Variants in CSPG4 observed in about 807,000 individuals in gnomAD.
CSPG4 encodes the protein chondroitin sulfate proteoglycan 4.
CSPG4 carries 74 observed loss-of-function variants against 139.3 expected under a neutral mutation model. The observed-to-expected ratio is 0.53, with a 90% CI of 0.44 to 0.64. The LOEUF (loss-of-function observed/expected upper bound fraction) is 0.64. Among genes scored for constraint, CSPG4 ranks in the 30% least tolerant of loss-of-function variants. The pLI is 0.00. For synonymous variants in CSPG4, 1,234 were observed against 1,394.2 expected (o/e 0.89, Z 2.56); for missense variants, 2,565 against 3,148.3 (o/e 0.81, Z 4.43).
chr15:75,711,143 A>G (rs1894442080), intron 1 of CSPG4, among the ~76,000 whole-genome samples: 1 of 150,344 alleles, frequency 6.7e-6, no homozygotes, highest in African/African-American at 2.4e-5. Context: ...CTTCCCATCC[A>G]CCAAGGCTTG....
Position 75,677,738 on chromosome 15 carries a change from C to T in CSPG4, c.5099G>A (p.Cys1700Tyr). ...CCAGAGGTGGCTGGGGCGCTGGGGA[C>T]AGGCAGCCTCAAAAGACACAGCCAC... ...LAVAVSFEAA[C>Y]PQRPSHLWKN... is the part of the protein sequence containing the mutation. Residue 1700 changes from cysteine to tyrosine, a missense_variant, in exon 9 of 10, where the codon TGT becomes TAT. Cys to Tyr is a radical substitution (Grantham distance 194). Transcript: ENST00000308508. 1.2e-6 allele frequency: 2 copies of T among 1,608,328 alleles called. No homozygotes were observed. The highest frequency in any genetic ancestry group is 1.7e-6 in the Non-Finnish European group (2 of 1,177,612).
Position 75,688,787 on chromosome 15 carries a change from C to T in CSPG4, c.2278G>A (p.Ala760Thr). 6.2e-7 allele frequency: 1 copy of T among 1,612,894 alleles called. No individual in the cohort carries two copies. Among genetic ancestry groups the T allele is most frequent in the African/African-American group, 1.3e-5 (1 of 75,056 alleles). ...HHAYDTVENL[A>T]LEVQVGQEIL... ...TCCTGGCCCACCTGCACCTCCAGGG[C>T]CAGGTTCTCCACGGTGTCGTAAGCG... Residue 760 changes from alanine (A) to threonine (T), a missense_variant, in exon 3 of 10, where the codon GCC becomes ACC. This residue lies in a region of CSPG4 where 2,316 missense variants were observed against 2,818.2 expected (regional missense o/e 0.82). Coordinates refer to ENST00000308508, the MANE Select transcript of CSPG4 (RefSeq NM_001897.5).
chr15:75,694,363 G>C (rs984284038), intron 1 of CSPG4, among the ~76,000 whole-genome samples: 4 of 152,260 alleles, frequency 2.6e-5, no homozygotes. Context: ...CTTTTGTGGT[G>C]ATAAGAGCCA....
chr15:75,682,512 CTG>C, intron 7 of CSPG4, 53 bp from the exon 8 acceptor site: 1 of 1,583,296 alleles, frequency 6.3e-7, no homozygotes, highest in Non-Finnish European at 8.6e-7. Flanking sequence ...AGGTCCAGGC[CTG>C]TGTTTGCAAA....
rs767093951 is a variant in CSPG4 at position 75,689,399 on chromosome 15, T to C, written c.1666A>G (p.Ile556Val). The C allele has an allele frequency of 4.3e-6, 7 of 1,612,488 alleles. No homozygotes were observed. The Admixed American group carries it at 1.0e-4, about 23-fold the overall frequency. ...VNPVNDPPHI[I>V]FPHGSLMVIL... ...ACCATGAGGCTGCCATGTGGGAAGA[T>C]GATGTGGGGTGGGTCATTGACAGGG... is the stretch of plus-strand genomic sequence containing the variant. The change falls in exon 3 of 10, where the codon ATC (isoleucine) becomes GTC (valine). Residue 556 changes from isoleucine to valine, a missense_variant. Physicochemically the swap from Ile to Val is conservative, Grantham distance 29. This residue lies in a region of CSPG4 where 2,316 missense variants were observed against 2,818.2 expected (regional missense o/e 0.82). Coordinates refer to ENST00000308508, the MANE Select transcript of CSPG4 (RefSeq NM_001897.5).
chr15:75,697,707 T>C (rs965419581), intron 1 of CSPG4, among the ~76,000 whole-genome samples: 1 of 152,102 alleles, frequency 6.6e-6, no homozygotes, highest in African/African-American at 2.4e-5. Flanking sequence ...GGAGAAATTC[T>C]GGGAGCCCGG....
At position 75,689,742 on chromosome 15, in the gene CSPG4, C is replaced by G. The variant is rs149192544; in HGVS notation, c.1323G>C (p.Glu441Asp). 5.1e-4 allele frequency: 829 copies of G among 1,612,680 alleles called. 1 individual carries two copies. The highest frequency in any genetic ancestry group is 6.6e-4 in the Non-Finnish European group (776 of 1,179,790). Reference sequence around the variant, plus strand: ...TCCACTCAAGCCAGGCTGTGCCCCCCTCGGCCACCACCAGTGGGCTGATAG... The same window carrying G: ...TCCACTCAAGCCAGGCTGTGCCCCCGTCGGCCACCACCAGTGGGCTGATAG... ...LLTISPLVVA[E>D]GGTAWLEWRH... Residue 441 changes from glutamate to aspartate, a missense_variant, in exon 3 of 10, where the codon GAG becomes GAC. Transcript: ENST00000308508.
Position 75,712,669 on chromosome 15 carries a change from C to T in CSPG4, c.87G>A (p.Ala29=), listed in dbSNP as rs1422106067. The change falls in exon 1 of 10, where the codon GCG becomes GCA. Residue 29 remains alanine, a splice_region_variant and synonymous_variant. Transcript: ENST00000308508. The part of the protein sequence containing the change: ...TLTMLARLAS[A]ASFFGENHLE... ...CGGGGTCTCAGGCCCCTCACTCACCCGCGGATGCAAGTCTGGCCAACATAG... is the reference window on the plus strand; with the variant it reads ...CGGGGTCTCAGGCCCCTCACTCACCTGCGGATGCAAGTCTGGCCAACATAG... 1 of 1,559,392 alleles carries T rather than the reference C, an allele frequency of 6.4e-7. No homozygotes were observed.
chr15:75,712,939 C>A (rs1894469259), upstream of CSPG4: 2 of 540,918 alleles, frequency 3.7e-6, no homozygotes, highest in East Asian at 6.9e-5. Flanking sequence ...TGGACTCCCC[C>A]ACCTGCCCCC....
chr15:75,674,690 G>T lies in CSPG4; in HGVS notation c.*860C>A. Reference sequence around the variant, plus strand: ...CAAGTGCCCCCAGCTGCCTGCCCTAGTCCTCAGGGGGGCACTGGCACCGCA... The same window carrying T: ...CAAGTGCCCCCAGCTGCCTGCCCTATTCCTCAGGGGGGCACTGGCACCGCA... On this transcript the variant is annotated 3_prime_UTR_variant, in exon 10 of 10. Coordinates refer to ENST00000308508, the MANE Select transcript of CSPG4 (RefSeq NM_001897.5). 1 of 398,980 alleles carries T rather than the reference G, an allele frequency of 2.5e-6. No homozygotes were observed. The highest frequency in any genetic ancestry group is 3.6e-5 in the East Asian group (1 of 28,076). 24.7% of individuals were successfully genotyped at this position (398,980 alleles called of 1,614,324 possible).
Position 75,689,373 on chromosome 15 carries a change from C to T in CSPG4, c.1692G>A (p.Val564=). 6.2e-7 allele frequency: 1 copy of T among 1,612,500 alleles called. No individual in the cohort carries two copies. Among genetic ancestry groups the T allele is most frequent in the Non-Finnish European group, 8.5e-7 (1 of 1,179,872 alleles). The change falls in exon 3 of 10, where the codon GTG becomes GTA. Residue 564 remains valine, a synonymous_variant. Coordinates refer to ENST00000308508, the MANE Select transcript of CSPG4 (RefSeq NM_001897.5). ...HIIFPHGSLM[V]ILEHTQKPLG... ...GCGGCTTCTGCGTGTGTTCCAGGAT[C>T]ACCATGAGGCTGCCATGTGGGAAGA... is the stretch of plus-strand genomic sequence containing the variant.
At chr15:75,700,817 G>A (rs1331034888) in intron 1 of CSPG4, among the ~76,000 whole-genome samples, 1 of 152,188 alleles carries the variant, frequency 6.6e-6, no homozygotes, top group East Asian at 1.9e-4. Context: ...AGAGGAAATG[G>A]TGACTGTGGG....
Position 75,676,322 on chromosome 15 carries a change from G to A in CSPG4, c.6197C>T (p.Thr2066Ile). The change falls in exon 10 of 10, where the codon ACC (threonine) becomes ATC (isoleucine). Residue 2066 changes from threonine (T) to isoleucine (I), a missense_variant. Around this residue, in one of 5 missense-constraint regions of CSPG4, gnomAD observed 2,316 missense variants for 2,818.2 expected, o/e 0.82. Coordinates refer to ENST00000308508, the MANE Select transcript of CSPG4 (RefSeq NM_001897.5). ...PQGATLRLDP[T>I]VLDAGELANR... ...GGCCAGCTCGCCAGCATCTAGGACG[G>A]TGGGGTCCAGGCGCAGGGTGGCACC... The A allele has an allele frequency of 6.2e-7, 1 of 1,610,996 alleles. No individual in the cohort carries two copies. Among genetic ancestry groups the A allele is most frequent in the Non-Finnish European group, 8.5e-7 (1 of 1,179,552 alleles).
chr15:75,712,109 C>T (rs192410990), intron 1 of CSPG4, among the ~76,000 whole-genome samples: 145 of 130,516 alleles, frequency 1.1e-3, no homozygotes, highest in Non-Finnish European at 1.8e-3. Flanking sequence ...GGCAGATAGA[C>T]GGATCTGCAA....
In CSPG4 at chr15:75,682,690, G is replaced by C; in HGVS notation, c.4700C>G (p.Ser1567Cys). ...CGTCACTCGGAAGAAGTGTCCGGGG[G>C]AAGTGTGCTCGCCGTCAGAGAGGCG... is the stretch of plus-strand genomic sequence containing the variant. ...RFRLSDGEHT[S>C]PGHFFRVTAQ... The change falls in exon 7 of 10, where the codon TCC (serine) becomes TGC (cysteine). Residue 1567 changes from serine (S) to cysteine (C), a missense_variant. By Grantham distance (112) the Ser-to-Cys change is moderately radical. Coordinates refer to ENST00000308508, the MANE Select transcript of CSPG4 (RefSeq NM_001897.5). 6.2e-7 allele frequency: 1 copy of C among 1,613,064 alleles called. No individual in the cohort carries two copies. Among genetic ancestry groups the C allele is most frequent in the Non-Finnish European group, 8.5e-7 (1 of 1,180,022 alleles).
intron 2 of CSPG4, among the ~76,000 whole-genome samples, chr15:75,691,694 C>A (rs1330765498): frequency 6.6e-6 from 1 of 152,136 alleles, no homozygotes; most frequent in Non-Finnish European, 1.5e-5. Context: ...AGATGAAGGA[C>A]ATAGTTCTGT....
At chr15:75,684,041 G>A (rs184908376) in intron 5 of CSPG4, among the ~76,000 whole-genome samples, 1,290 of 49,326 alleles carry the variant, frequency 0.026, 20 homozygotes, top group East Asian at 0.24. Flanking sequence ...CCCCACCCCC[G>A]CCCCAGGCAC....
Position 75,688,516 on chromosome 15 carries a change from T to C in CSPG4, c.2549A>G (p.Asp850Gly), listed in dbSNP as rs1390408841. ...GGTCACCCGGCCAGCCTGTATGTCA[T>C]CCTGGGTGAAGCCCTGGCCATCTGA... The part of the protein sequence containing the change: ...RLSDGQGFTQ[D>G]DIQAGRVTYG... Residue 850 changes from aspartate to glycine, a missense_variant, in exon 3 of 10, where the codon GAT becomes GGT. Around this residue, in one of 5 missense-constraint regions of CSPG4, gnomAD observed 2,316 missense variants for 2,818.2 expected, o/e 0.82. Coordinates refer to ENST00000308508, the MANE Select transcript of CSPG4 (RefSeq NM_001897.5). 1.2e-6 allele frequency: 2 copies of C among 1,613,260 alleles called. No individual in the cohort carries two copies. The highest frequency in any genetic ancestry group is 1.1e-5 in the South Asian group (1 of 91,088).
chr15:75,704,433 CCA>C (rs1463107314), intron 1 of CSPG4, among the ~76,000 whole-genome samples: 1 of 152,202 alleles, frequency 6.6e-6, no homozygotes, highest in East Asian at 1.9e-4. Context: ...CAGCCAGGCT[CCA>C]GATGGGTGGC....
Sources: allele counts gnomAD v4.1 joint callset (sites outside exome capture counted in the v4.1 genomes callset), GRCh38; gene constraint gnomAD v4.1.1; regional missense constraint gnomAD v4.1.1; transcripts MANE v1.5; gene names NCBI Gene and HGNC (gene_info 2026-07-23, HGNC 2026-07-21).